The following ARL15 variants were observed in gnomAD, a reference collection of about 807,000 sequenced individuals.
The protein encoded by ARL15 is ADP-ribosylation factor-like protein 15.
ARL15 carries 19 observed loss-of-function variants against 25.2 expected under a neutral mutation model. The observed-to-expected ratio is 0.75, with a 90% CI of 0.53 to 1.10. ARL15 has a LOEUF of 1.10. Ranked by LOEUF, ARL15 falls within the 50% of genes least tolerant of loss-of-function variation. The pLI is 0.00. For synonymous variants in ARL15, 94 were observed against 86.8 expected (o/e 1.08, Z -0.46); for missense variants, 220 against 246.0 (o/e 0.89, Z 0.71).
chr5:54,081,928 CTAAAAATACAAAAT>C (rs1171333503), intron 4 of ARL15, among the ~76,000 whole-genome samples: 1 of 150,392 alleles, frequency 6.6e-6, no homozygotes, highest in African/African-American at 2.4e-5. Context: ...CCCGTCTCTA[CTAAAAATACAAAAT>C]TAGCCGGGAG....
chr5:54,304,577 T>TCC (rs1758704642), intron 1 of ARL15, among the ~76,000 whole-genome samples: 1 of 152,316 alleles, frequency 6.6e-6, no homozygotes, highest in East Asian at 1.9e-4. Flanking sequence ...GAACCAGACT[T>TCC]AACACCTTTG....
chr5:54,252,928 T>C (rs1757273409), intron 1 of ARL15, among the ~76,000 whole-genome samples: 1 of 152,122 alleles, frequency 6.6e-6, no homozygotes, highest in Non-Finnish European at 1.5e-5. Flanking sequence ...TTTTGCCATG[T>C]TGCCCAGGCT....
chr5:53,954,223 G>C (rs1168818261), intron 4 of ARL15, among the ~76,000 whole-genome samples: 3 of 152,036 alleles, frequency 2.0e-5, no homozygotes, highest in Non-Finnish European at 4.4e-5. Flanking sequence ...ATTTGAAGAA[G>C]CATGGTATGA....
intron 1 of ARL15, among the ~76,000 whole-genome samples, chr5:54,201,591 C>T (rs917855150): frequency 3.3e-5 from 5 of 152,066 alleles, no homozygotes; most frequent in Non-Finnish European, 7.4e-5. Context: ...TAGCCAGAGT[C>T]CCCCTTACCC....
At chr5:54,245,355 A>G (rs943502674) in intron 1 of ARL15, among the ~76,000 whole-genome samples, 1 of 152,236 alleles carries the variant, frequency 6.6e-6, no homozygotes, top group African/African-American at 2.4e-5. Flanking sequence ...GAAAACTTTT[A>G]AAAACTTCTT....
Position 53,886,431 on chromosome 5 carries a change from G to A in ARL15, c.*130C>T, listed in dbSNP as rs1334423410. 7 of 947,374 alleles carry A rather than the reference G, an allele frequency of 7.4e-6. No individual in the cohort carries two copies. Among genetic ancestry groups the A allele is most frequent in the African/African-American group, 3.3e-5 (2 of 59,948 alleles). The allele number at this position is 947,374 out of a possible 1,614,324, so 58.7% of individuals were successfully genotyped here. On this transcript the variant is annotated 3_prime_UTR_variant, in exon 5 of 5. Transcript: ENST00000504924. ...AGAATATTCACTTTAATAGAGAGAT[G>A]AGAGTCTGAAATGACCAGAGGAAAA...
At chr5:54,059,994 C>T (rs1383918383) in intron 4 of ARL15, among the ~76,000 whole-genome samples, 1 of 151,904 alleles carries the variant, frequency 6.6e-6, no homozygotes, top group African/African-American at 2.4e-5. Flanking sequence ...CTATCATGTT[C>T]TATACTGATA....
intron 3 of ARL15, among the ~76,000 whole-genome samples, chr5:54,134,814 A>G (rs26610): frequency 0.25 from 37,311 of 151,698 alleles, 5,664 homozygotes; most frequent in Admixed American, 0.37. Context: ...CAATCTCTTG[A>G]CATGGTGATC....
At chr5:53,962,220 A>G (rs1428508101) in intron 4 of ARL15, among the ~76,000 whole-genome samples, 2 of 152,204 alleles carry the variant, frequency 1.3e-5, no homozygotes, top group African/African-American at 2.4e-5. Flanking sequence ...CATAATATCC[A>G]TAATACTTTT....
chr5:54,030,658 C>T (rs765155293), intron 4 of ARL15, among the ~76,000 whole-genome samples: 47 of 152,116 alleles, frequency 3.1e-4, no homozygotes, highest in Admixed American at 9.2e-4. Flanking sequence ...AGAGAGAGAA[C>T]CAGTGGGATA....
At chr5:54,193,247 T>C (rs1159886926) in intron 1 of ARL15, among the ~76,000 whole-genome samples, 1 of 152,152 alleles carries the variant, frequency 6.6e-6, no homozygotes, top group East Asian at 1.9e-4. Context: ...CAATCCATCA[T>C]CCAAAGCTTA....
At chr5:54,091,228 G>C (rs1238038357) in intron 4 of ARL15, among the ~76,000 whole-genome samples, 1 of 152,060 alleles carries the variant, frequency 6.6e-6, no homozygotes. Flanking sequence ...GGCGAGAAAC[G>C]CAATTAAAGT....
intron 4 of ARL15, among the ~76,000 whole-genome samples, chr5:53,916,827 G>A (rs980308259): frequency 1.3e-5 from 2 of 152,168 alleles, no homozygotes; most frequent in African/African-American, 4.8e-5. Context: ...GGTCATGTAG[G>A]AAACTCTTTC....
Position 53,937,142 on chromosome 5 carries a change from G to T in ARL15, c.463-50429C>A, listed in dbSNP as rs78872087. On this transcript the variant is annotated intron_variant, in intron 4 of 4. Coordinates refer to ENST00000504924, the MANE Select transcript of ARL15 (RefSeq NM_019087.3). ...AAGAGTTCTCCGTCCCCGGAGGCTC[G>T]GTGTCAATGGCTTTCACCTCTGGCA... Among the ~76,000 whole-genome samples, 1,151 of 152,234 alleles carry T rather than the reference G, an allele frequency of 7.6e-3. 23 individuals are homozygous for T. The highest frequency in any genetic ancestry group is 0.027 in the African/African-American group (1,120 of 41,524).
At chr5:53,955,646 G>A (rs1380711666) in intron 4 of ARL15, among the ~76,000 whole-genome samples, 2 of 152,166 alleles carry the variant, frequency 1.3e-5, no homozygotes, top group African/African-American at 4.8e-5. Context: ...ACTAAGCAAT[G>A]CCGAATCAAG....
intron 4 of ARL15, 125 bp from the exon 5 acceptor site, chr5:53,886,838 A>G (rs1408136179): frequency 4.6e-6 from 4 of 868,518 alleles, no homozygotes; most frequent in Non-Finnish European, 7.0e-6. Flanking sequence ...GATGCCTACA[A>G]CTTTGCAATG....
chr5:54,198,673 C>T (rs2112476191), intron 1 of ARL15, among the ~76,000 whole-genome samples: 1 of 151,134 alleles, frequency 6.6e-6, no homozygotes, highest in Admixed American at 6.6e-5. Flanking sequence ...AAGAACATTC[C>T]ATGCTCATGG....
At chr5:54,248,063 T>C (rs530639815) in intron 1 of ARL15, among the ~76,000 whole-genome samples, 1 of 152,200 alleles carries the variant, frequency 6.6e-6, no homozygotes, top group East Asian at 1.9e-4. Context: ...AGAAAGCTGA[T>C]GGTAAAGACC....
intron 3 of ARL15, among the ~76,000 whole-genome samples, chr5:54,120,351 G>A (rs1186540007): frequency 6.6e-6 from 1 of 152,170 alleles, no homozygotes; most frequent in African/African-American, 2.4e-5. Context: ...CTTTCTCAGA[G>A]TCCTGTCGTA....
Sources: allele counts gnomAD v4.1 joint callset (sites outside exome capture counted in the v4.1 genomes callset), GRCh38; gene constraint gnomAD v4.1.1; transcripts MANE v1.5; gene names NCBI Gene and HGNC (gene_info 2026-07-23, HGNC 2026-07-21).